Variants in NPAS3 observed in about 807,000 individuals in gnomAD.
NPAS3 encodes the protein neuronal PAS domain protein 3.
A neutral mutation model predicts 73.1 loss-of-function variants in NPAS3; 14 were observed. That is an observed-to-expected ratio of 0.19 (90% CI 0.13 to 0.30). The LOEUF is 0.30. Ranked by LOEUF, NPAS3 falls within the 10% of genes least tolerant of loss-of-function variation. The probability of loss-of-function intolerance (pLI) is 1.00; values close to 1 mark genes in which losing one functional copy is unlikely to be tolerated. For synonymous variants in NPAS3, 620 were observed against 541.5 expected, an observed-to-expected ratio of 1.14 and a Z score of -2.01; for missense variants, 1,096 against 1,250.0, an observed-to-expected ratio of 0.88 and a Z score of 1.86.
At chr14:33,567,120 T>C (rs1307947476) in intron 5 of NPAS3, among the ~76,000 whole-genome samples, 1 of 152,238 alleles carries the variant, frequency 6.6e-6, no homozygotes, top group African/African-American at 2.4e-5. Flanking sequence ...AGCTTGTCGT[T>C]GATAATTACA....
At chr14:33,214,306 AGC>A (rs1374603368) in intron 2 of NPAS3, 8 of 152,318 alleles carry the variant, frequency 5.3e-5, no homozygotes, top group Non-Finnish European at 7.3e-5. Context: ...CAGCAATGTG[AGC>A]AAACTTCAAA....
At chr14:33,408,098 CA>C (rs1445257529) in intron 4 of NPAS3, among the ~76,000 whole-genome samples, 1 of 152,096 alleles carries the variant, frequency 6.6e-6, no homozygotes, top group African/African-American at 2.4e-5. Flanking sequence ...CAATTCTTAG[CA>C]CAGTTTGAAA....
chr14:33,462,031 G>A (rs2050293707), intron 4 of NPAS3, among the ~76,000 whole-genome samples: 1 of 152,188 alleles, frequency 6.6e-6, no homozygotes, highest in African/African-American at 2.4e-5. Context: ...CACAGATAAT[G>A]GCAACTCCTA....
At chr14:33,372,497 A>G (rs1282314595) in intron 4 of NPAS3, among the ~76,000 whole-genome samples, 3 of 152,220 alleles carry the variant, frequency 2.0e-5, no homozygotes, top group Non-Finnish European at 2.9e-5. Flanking sequence ...CCAATTTTCA[A>G]TACCCGTGTT....
intron 1 of NPAS3, among the ~76,000 whole-genome samples, chr14:33,053,843 A>C (rs916089916): frequency 2.0e-5 from 3 of 152,150 alleles, no homozygotes; most frequent in African/African-American, 7.2e-5. Context: ...GTTTATTTTC[A>C]AAATTATTGA....
At chr14:33,096,685 C>G (rs1003159207) in intron 2 of NPAS3, among the ~76,000 whole-genome samples, 1 of 152,038 alleles carries the variant, frequency 6.6e-6, no homozygotes, top group South Asian at 2.1e-4. Context: ...AGCTTATATC[C>G]GTAGTCTGGC....
At chr14:33,053,781 G>A (rs1021618673) in intron 1 of NPAS3, among the ~76,000 whole-genome samples, 2 of 152,068 alleles carry the variant, frequency 1.3e-5, no homozygotes, top group Non-Finnish European at 2.9e-5. Context: ...ACAAAAGAGT[G>A]GTAGTCCTTC....
intron 5 of NPAS3, among the ~76,000 whole-genome samples, chr14:33,640,882 T>TA (rs1567078951): frequency 6.6e-6 from 1 of 152,208 alleles, no homozygotes; most frequent in African/African-American, 2.4e-5. Flanking sequence ...CTTAAATATA[T>TA]TTTGACACAC....
chr14:33,426,790 A>G (rs917416192), intron 4 of NPAS3, among the ~76,000 whole-genome samples: 1 of 152,128 alleles, frequency 6.6e-6, no homozygotes, highest in Non-Finnish European at 1.5e-5. Flanking sequence ...TAAGAAAATT[A>G]CAAGTCTCAT....
intron 5 of NPAS3, among the ~76,000 whole-genome samples, chr14:33,576,270 AT>A (rs1471221038): frequency 5.3e-5 from 8 of 151,948 alleles, no homozygotes; most frequent in Non-Finnish European, 1.0e-4. Context: ...TTGAGTGTAA[AT>A]TTTTCATCCC....
intron 3 of NPAS3, among the ~76,000 whole-genome samples, chr14:33,352,010 C>T (rs1233229540): frequency 4.6e-5 from 7 of 151,808 alleles, no homozygotes; most frequent in East Asian, 3.9e-4. Flanking sequence ...CAAACCTGCA[C>T]GTTCTGCACA....
At chr14:33,533,590 A>T (rs997882820) in intron 4 of NPAS3, among the ~76,000 whole-genome samples, 9 of 152,194 alleles carry the variant, frequency 5.9e-5, no homozygotes, top group African/African-American at 1.9e-4. Flanking sequence ...AGAAGGGATC[A>T]AGTAATTCAT....
At chr14:33,263,780 A>G (rs1402040966) in intron 3 of NPAS3, among the ~76,000 whole-genome samples, 2 of 151,938 alleles carry the variant, frequency 1.3e-5, no homozygotes, top group African/African-American at 4.8e-5. Context: ...ATTTGTTTGT[A>G]TCCTCTTTTA....
At chr14:33,423,281 CTT>C (rs1313884337) in intron 4 of NPAS3, among the ~76,000 whole-genome samples, 3 of 151,940 alleles carry the variant, frequency 2.0e-5, no homozygotes, top group African/African-American at 7.3e-5. Flanking sequence ...TGACAGTAGA[CTT>C]TTTGCTTTTT....
At chr14:33,654,012 G>A (rs1191108160) in intron 5 of NPAS3, among the ~76,000 whole-genome samples, 1 of 152,110 alleles carries the variant, frequency 6.6e-6, no homozygotes, top group East Asian at 1.9e-4. Flanking sequence ...GCTGGATAAA[G>A]GCAGTCTTAT....
chr14:33,536,177 TAGAG>T (rs1386621296), intron 4 of NPAS3, among the ~76,000 whole-genome samples: 5 of 152,104 alleles, frequency 3.3e-5, no homozygotes, highest in African/African-American at 9.7e-5. Context: ...CCTGAAGACA[TAGAG>T]AGAGCTGTTT....
chr14:33,391,285 G>T (rs572777131), intron 4 of NPAS3, among the ~76,000 whole-genome samples: 9 of 145,410 alleles, frequency 6.2e-5, no homozygotes, highest in African/African-American at 2.6e-5. Flanking sequence ...CCTCTGCCTC[G>T]CAGGTTTAAG....
intron 1 of NPAS3, among the ~76,000 whole-genome samples, chr14:33,011,145 A>G (rs2039181351): frequency 1.3e-5 from 2 of 152,252 alleles, no homozygotes; most frequent in Admixed American, 6.5e-5. Flanking sequence ...TTCAAAAACA[A>G]TAACTGATGT....
intron 4 of NPAS3, among the ~76,000 whole-genome samples, chr14:33,520,777 A>T (rs2053521324): frequency 6.6e-6 from 1 of 152,148 alleles, no homozygotes; most frequent in Non-Finnish European, 1.5e-5. Flanking sequence ...TGCAACCTGT[A>T]ATAAAATGGT....
Sources: gnomAD v4.1 joint callset for allele counts (sites outside exome capture counted in the v4.1 genomes callset) on GRCh38, gnomAD v4.1.1 for gene constraint, MANE v1.5 for transcripts, NCBI Gene and HGNC (gene_info 2026-07-23, HGNC 2026-07-21) for gene names.